ARFGEF3: variants seen among roughly 807,000 people sequenced by gnomAD.
The protein encoded by ARFGEF3 is brefeldin A-inhibited guanine nucleotide-exchange protein 3.
A neutral mutation model predicts 221.7 loss-of-function variants in ARFGEF3; 96 were observed. That is an observed-to-expected ratio of 0.43 (90% confidence interval 0.37 to 0.51). The LOEUF is 0.51. ARFGEF3 is among the 20% of genes least tolerant of loss of function. The pLI is 0.00. For missense variants in ARFGEF3, 2,410 were observed against 2,789.9 expected (o/e 0.86, Z 3.07); for synonymous variants, 1,145 against 1,126.8 (o/e 1.02, Z -0.32).
chr6:138,272,596 TTTC>T (rs1199611628), intron 12 of ARFGEF3, among the ~76,000 whole-genome samples: 1 of 152,264 alleles, frequency 6.6e-6, no homozygotes, highest in Admixed American at 6.5e-5. Flanking sequence ...CACAGATTAT[TTTC>T]TTCTTTGTGC....
chr6:138,262,650 T>A, intron 11 of ARFGEF3, 51 bp from the exon 12 acceptor site: 1 of 1,515,324 alleles, frequency 6.6e-7, no homozygotes, highest in Middle Eastern at 1.8e-4. Context: ...TTCAGAGATA[T>A]TTTCTACATT....
chr6:138,281,794 C>G (rs1779200862), intron 14 of ARFGEF3, among the ~76,000 whole-genome samples: 1 of 152,232 alleles, frequency 6.6e-6, no homozygotes, highest in Non-Finnish European at 1.5e-5. Context: ...GCAAAAGCCA[C>G]TTTTCATGGC....
At chr6:138,280,303 G>C (rs1779175974) in intron 14 of ARFGEF3, 139 bp downstream of exon 14, 2 of 789,180 alleles carry the variant, frequency 2.5e-6, no homozygotes, top group Non-Finnish European at 4.1e-6. Context: ...AATGGTGACA[G>C]TTCCAGGGAA....
At chr6:138,307,088 C>T (rs562296284) in intron 22 of ARFGEF3, among the ~76,000 whole-genome samples, 165 bp from the exon 23 acceptor site, 1 of 152,192 alleles carries the variant, frequency 6.6e-6, no homozygotes, top group Admixed American at 6.5e-5. Flanking sequence ...TAATACAATA[C>T]GGCTGATTAT....
chr6:138,269,176 G>A (rs761459329), intron 12 of ARFGEF3, among the ~76,000 whole-genome samples: 6 of 152,208 alleles, frequency 3.9e-5, no homozygotes, highest in East Asian at 1.9e-4. Flanking sequence ...ACTACCAGGC[G>A]GTGGGCAGCC....
intron 26 of ARFGEF3, among the ~76,000 whole-genome samples, chr6:138,316,472 A>C (rs940854585): frequency 3.3e-5 from 5 of 152,164 alleles, no homozygotes; most frequent in Admixed American, 2.0e-4. Flanking sequence ...TACAGAACTA[A>C]ACAGAATAAT....
intron 27 of ARFGEF3, 114 bp from the exon 28 acceptor site, chr6:138,319,589 C>A (rs1020289211): frequency 2.7e-6 from 2 of 729,124 alleles, no homozygotes; most frequent in Non-Finnish European, 2.2e-6. Flanking sequence ...TTATTTTTCC[C>A]TGCACTTTCT....
At chr6:138,168,328 C>T (rs1180037608) in intron 1 of ARFGEF3, among the ~76,000 whole-genome samples, 11 of 152,172 alleles carry the variant, frequency 7.2e-5, no homozygotes, top group African/African-American at 2.7e-4. Context: ...AGGGTATTCA[C>T]GGAAAACCTT....
At chr6:138,210,146 C>T in intron 4 of ARFGEF3, 105 bp downstream of exon 4, 2 of 1,139,114 alleles carry the variant, frequency 1.8e-6, no homozygotes, top group Non-Finnish European at 2.5e-6. Context: ...CATGCTAGCT[C>T]ATCTTCATTT....
chr6:138,225,006 G>A (rs1778055583), intron 4 of ARFGEF3, among the ~76,000 whole-genome samples: 1 of 152,182 alleles, frequency 6.6e-6, no homozygotes, highest in African/African-American at 2.4e-5. Context: ...GTAGGGGTTG[G>A]TGGGAGGGCA....
chr6:138,201,985 G>T (rs1478387813), intron 2 of ARFGEF3, among the ~76,000 whole-genome samples: 1 of 152,188 alleles, frequency 6.6e-6, no homozygotes, highest in African/African-American at 2.4e-5. Context: ...TAAGGAAATA[G>T]GTTCAGTCTC....
At chr6:138,315,579 C>T (rs370447702) in intron 26 of ARFGEF3, among the ~76,000 whole-genome samples, 53 of 152,270 alleles carry the variant, frequency 3.5e-4, no homozygotes, top group African/African-American at 1.3e-3. Context: ...AGGCCAGGCG[C>T]GGTGGCTCAT....
At chr6:138,167,117 C>T (rs1776738635) in intron 1 of ARFGEF3, among the ~76,000 whole-genome samples, 3 of 152,192 alleles carry the variant, frequency 2.0e-5, no homozygotes. Context: ...CACAACTGGG[C>T]ACCTGCTTTA....
At chr6:138,165,748 T>A (rs9484120) in intron 1 of ARFGEF3, among the ~76,000 whole-genome samples, 1 of 151,826 alleles carries the variant, frequency 6.6e-6, no homozygotes, top group Non-Finnish European at 1.5e-5. Flanking sequence ...GAGACCCCCA[T>A]AGGAGAGAGG....
chr6:138,215,037 GA>G (rs1777813069), intron 4 of ARFGEF3, among the ~76,000 whole-genome samples: 1 of 152,188 alleles, frequency 6.6e-6, no homozygotes, highest in East Asian at 1.9e-4. Flanking sequence ...GTAGACTATT[GA>G]ATATTTAGGT....
chr6:138,239,469 G>A (rs1041985325), intron 6 of ARFGEF3, among the ~76,000 whole-genome samples: 29 of 151,824 alleles, frequency 1.9e-4, no homozygotes, highest in African/African-American at 2.2e-4. Flanking sequence ...CCAACATAGC[G>A]AAACCCCGTC....
intron 33 of ARFGEF3, 37 bp downstream of exon 33, chr6:138,335,225 T>TG (rs776588901): frequency 1.3e-6 from 2 of 1,494,154 alleles, no homozygotes; most frequent in South Asian, 2.7e-5. Context: ...GGCGGGAGGC[T>TG]GGGTTTCCAG....
chr6:138,287,044 T>G, intron 16 of ARFGEF3, 30 bp from the exon 17 acceptor site: 1 of 1,560,100 alleles, frequency 6.4e-7, no homozygotes, highest in Non-Finnish European at 8.7e-7. Flanking sequence ...ATATACTCAG[T>G]CAAGAAGTCA....
At chr6:138,183,995 A>G (rs1777132081) in intron 2 of ARFGEF3, among the ~76,000 whole-genome samples, 1 of 152,194 alleles carries the variant, frequency 6.6e-6, no homozygotes, top group African/African-American at 2.4e-5. Flanking sequence ...TTCCACCCAC[A>G]GGGCTCGCTC....
Sources: allele counts gnomAD v4.1 joint callset (sites outside exome capture counted in the v4.1 genomes callset), GRCh38; gene constraint gnomAD v4.1.1; transcripts MANE v1.5; gene names NCBI Gene and HGNC (gene_info 2026-07-23, HGNC 2026-07-21).